RIN3: variants seen among roughly 807,000 people sequenced by gnomAD.
RIN3 encodes RAB5 interacting protein 3.
Under a neutral mutation model 76.3 loss-of-function variants are expected in RIN3, and 54 were observed. The ratio of observed to expected loss-of-function variants is 0.71; its 90% CI spans 0.57 to 0.89. The LOEUF (loss-of-function observed/expected upper bound fraction) is 0.89. RIN3 is among the 40% of genes least tolerant of loss of function. RIN3 has a pLI of 0.00. For synonymous variants in RIN3, 576 were observed against 564.0 expected, an observed-to-expected ratio of 1.02 and a Z score of -0.30; for missense variants, 1,256 against 1,322.1, an observed-to-expected ratio of 0.95 and a Z score of 0.78.
At position 92,659,227 on chromosome 14, in the gene RIN3, G is replaced by A. The variant is rs1476144816; in HGVS notation, c.2093G>A (p.Cys698Tyr). 1 of 1,614,188 alleles carries A rather than the reference G, an allele frequency of 6.2e-7. No individual in the cohort carries two copies. Among genetic ancestry groups the A allele is most frequent in the Non-Finnish European group, 8.5e-7 (1 of 1,180,024 alleles). The stretch of plus-strand genomic sequence containing the variant: ...CCCCTGAAGGAAGCCATCAACTCAT[G>A]CCTGCATCAGATCCACAGCAAGGAT... Reference protein sequence around the residue: ...LKPLKEAINSCLHQIHSKDGS... With the variant: ...LKPLKEAINSYLHQIHSKDGS... Residue 698 changes from cysteine (C) to tyrosine (Y), a missense_variant, in exon 7 of 10, where the codon TGC becomes TAC. Cys to Tyr is a radical substitution (Grantham distance 194). Coordinates refer to ENST00000216487, the MANE Select transcript of RIN3 (RefSeq NM_024832.5).
chr14:92,613,245 C>T (rs1038633793), intron 3 of RIN3, among the ~76,000 whole-genome samples: 2 of 152,134 alleles, frequency 1.3e-5, no homozygotes, highest in Admixed American at 1.3e-4. Flanking sequence ...CCTGTGCTGC[C>T]CCTTGTGGAA....
At chr14:92,598,552 G>A (rs1322985116) in intron 3 of RIN3, among the ~76,000 whole-genome samples, 2 of 152,214 alleles carry the variant, frequency 1.3e-5, no homozygotes, top group Non-Finnish European at 2.9e-5. Context: ...TACAGATGAA[G>A]AAACGGAGGC....
In RIN3 at chr14:92,664,965, T is replaced by C. The variant is rs1056875392; in HGVS notation, c.2335+5496T>C. ...ATGAAGGGTTAGATATTCCGTGTGC[T>C]TGTCATATGTTTTTAACCTCCTTTA... On this transcript the variant is annotated intron_variant, in intron 7 of 9. Coordinates refer to ENST00000216487, the MANE Select transcript of RIN3 (RefSeq NM_024832.5). Among the ~76,000 whole-genome samples the C allele has an allele frequency of 2.6e-5, 4 of 152,250 alleles. No homozygotes were observed. In the South Asian group the frequency reaches 8.3e-4, roughly 31 times the overall value.
Position 92,685,442 on chromosome 14 carries a change from A to T in RIN3, c.2631+292A>T. 1 of 381,652 alleles carries T rather than the reference A, an allele frequency of 2.6e-6. No homozygotes were observed. The highest frequency in any genetic ancestry group is 4.9e-6 in the Non-Finnish European group (1 of 204,256). The allele number at this position is 381,652 out of a possible 1,614,324, so 23.6% of individuals were successfully genotyped here. On this transcript the variant is annotated intron_variant, in intron 9 of 9. Transcript: ENST00000216487. This position sits in a 1 kb window ranked among gnomAD's most constrained non-coding sequence, Gnocchi z 4.7. ...CACCCATCATTCCTTAGCCCCTCCT[A>T]GGACCCAGCACCCTGCAGGGGCTGG... is the stretch of plus-strand genomic sequence containing the variant.
At chr14:92,621,128 C>T (rs1362581676) in intron 4 of RIN3, among the ~76,000 whole-genome samples, 2 of 149,316 alleles carry the variant, frequency 1.3e-5, no homozygotes, top group African/African-American at 4.9e-5. Flanking sequence ...CCCAGCTACT[C>T]AGGAGGCTGA....
Position 92,651,749 on chromosome 14 carries a change from T to C in RIN3, c.700T>C (p.Phe234Leu). Reference protein sequence around the residue: ...ELSVGNDRLWFVNPIFIEDCS... With the variant: ...ELSVGNDRLWLVNPIFIEDCS... ...GTCGGTAGGAAATGACCGCCTGTGG[T>C]TTGTGAATCCTATTTTCATCGAGGA... The change falls in exon 6 of 10, where the codon TTT (phenylalanine) becomes CTT (leucine). Residue 234 changes from phenylalanine (F) to leucine (L), a missense_variant. Transcript: ENST00000216487. 2 of 1,613,846 alleles carry C rather than the reference T, an allele frequency of 1.2e-6. No individual in the cohort carries two copies. Among genetic ancestry groups the C allele is most frequent in the Non-Finnish European group, 1.7e-6 (2 of 1,179,958 alleles).
intron 2 of RIN3, among the ~76,000 whole-genome samples, chr14:92,569,746 G>A (rs944587840): frequency 6.6e-6 from 1 of 152,146 alleles, no homozygotes. Context: ...CAACCAGGAT[G>A]TTTCATGCCA....
intron 4 of RIN3, 91 bp downstream of exon 4, chr14:92,615,570 C>T (rs1885927026): frequency 9.1e-7 from 1 of 1,097,378 alleles, no homozygotes; most frequent in Non-Finnish European, 1.4e-6. Flanking sequence ...ACAGGGAAGC[C>T]CCAGAGGGAG....
intron 3 of RIN3, among the ~76,000 whole-genome samples, chr14:92,614,779 TGTGA>T (rs965221716): frequency 6.8e-6 from 1 of 146,102 alleles, no homozygotes; most frequent in Non-Finnish European, 1.5e-5. Flanking sequence ...CACATAGAAC[TGTGA>T]GTCCATTAAA....
intron 4 of RIN3, among the ~76,000 whole-genome samples, chr14:92,632,732 C>T (rs974290520): frequency 6.6e-6 from 1 of 152,110 alleles, no homozygotes; most frequent in Non-Finnish European, 1.5e-5. Flanking sequence ...ATATGGGAGA[C>T]TTGTGGCTCT....
chr14:92,600,018 G>A (rs117209651), intron 3 of RIN3, among the ~76,000 whole-genome samples: 2,998 of 152,200 alleles, frequency 0.02, 47 homozygotes, highest in Non-Finnish European at 0.033. Flanking sequence ...CCCTGACCTG[G>A]GGCATTTATA....
rs1887005272 is a variant in RIN3 at position 92,641,332 on chromosome 14, G to A, written c.532+3G>A. The A allele has an allele frequency of 6.2e-7, 1 of 1,611,818 alleles. No homozygotes were observed. The highest frequency in any genetic ancestry group is 1.3e-5 in the African/African-American group (1 of 74,848). ...GACCATCGCCAACCTGGGTCTGGGT[G>A]AGTCTTCTCCGAGGGGTTAGGGGAG... On this transcript the variant is annotated splice_donor_region_variant and intron_variant, in intron 5 of 9. Transcript: ENST00000216487.
At chr14:92,579,806 G>C (rs1286452018) in intron 3 of RIN3, among the ~76,000 whole-genome samples, 1 of 152,276 alleles carries the variant, frequency 6.6e-6, no homozygotes, top group Non-Finnish European at 1.5e-5. Context: ...ATGGGAAACA[G>C]ACATCACTTG....
At chr14:92,534,169 C>T (rs565705752) in intron 1 of RIN3, among the ~76,000 whole-genome samples, 2 of 151,760 alleles carry the variant, frequency 1.3e-5, no homozygotes, top group Non-Finnish European at 2.9e-5. Flanking sequence ...TCTGATCTGC[C>T]CAGCATCTCA....
At chr14:92,587,282 G>T (rs1289020784) in intron 3 of RIN3, among the ~76,000 whole-genome samples, 4 of 152,218 alleles carry the variant, frequency 2.6e-5, no homozygotes, top group South Asian at 2.1e-4. Context: ...TCAGGTAATG[G>T]CCTTCCTGGC....
At chr14:92,522,921 A>C (rs1896637472) in intron 1 of RIN3, among the ~76,000 whole-genome samples, 2 of 152,196 alleles carry the variant, frequency 1.3e-5, no homozygotes, top group South Asian at 4.1e-4. Context: ...CTGTTGCCTG[A>C]AATACAGATG....
Position 92,514,954 on chromosome 14 carries a change from G to A in RIN3, c.44+978G>A, listed in dbSNP as rs1896398290. On this transcript the variant is annotated intron_variant, in intron 1 of 9. Transcript: ENST00000216487. The surrounding 1 kb of genome is among the most constrained non-coding windows in gnomAD (Gnocchi z 7.2). ...CTACTTCTCTGATGGACACCCTGCC[G>A]CTCCCTGGCTTGGCAGTGGGACCTC... Among the ~76,000 whole-genome samples the A allele has an allele frequency of 6.6e-6, 1 of 152,176 alleles. No homozygotes were observed. Among genetic ancestry groups the A allele is most frequent in the South Asian group, 2.1e-4 (1 of 4,826 alleles).
intron 3 of RIN3, among the ~76,000 whole-genome samples, chr14:92,601,096 A>T: frequency 6.6e-6 from 1 of 152,244 alleles, no homozygotes; most frequent in South Asian, 2.1e-4. Context: ...TAGGAAAAAA[A>T]TATGAAATGT....
At chr14:92,515,107 T>G in intron 1 of RIN3, 1 of 613,176 alleles carries the variant, frequency 1.6e-6, no homozygotes. Flanking sequence ...GGAGGGGGCC[T>G]TAAGCTCATC....
Sources: gnomAD v4.1 joint callset for allele counts (sites outside exome capture counted in the v4.1 genomes callset) on GRCh38, gnomAD v4.1.1 for gene constraint, Gnocchi (gnomAD v3.1) non-coding constraint, MANE v1.5 for transcripts, NCBI Gene and HGNC (gene_info 2026-07-23, HGNC 2026-07-21) for gene names.